DIAPH2: variants seen among roughly 807,000 people sequenced by gnomAD.
DIAPH2 encodes protein diaphanous homolog 2.
DIAPH2 carries 35 observed loss-of-function variants against 92.7 expected under a neutral mutation model. The ratio of observed to expected loss-of-function variants is 0.38; its 90% CI spans 0.29 to 0.50. The LOEUF is 0.50. Ranked by LOEUF, DIAPH2 falls within the 20% of genes least tolerant of loss-of-function variation. DIAPH2 has a pLI of 0.94. For synonymous variants in DIAPH2, 301 were observed against 280.4 expected, an observed-to-expected ratio of 1.07 and a Z score of -0.73; for missense variants, 701 against 819.5, an observed-to-expected ratio of 0.86 and a Z score of 1.77.
chrX:97,582,534 C>T (rs1460169579), intron 26 of DIAPH2, among the ~76,000 whole-genome samples: 1 of 110,095 alleles, frequency 9.1e-6, no homozygotes, highest in Non-Finnish European at 1.9e-5. Flanking sequence ...GGGTTTCTGC[C>T]GAGAGATCCG....
intron 25 of DIAPH2, among the ~76,000 whole-genome samples, chrX:97,424,441 G>A (rs1226916512): frequency 1.8e-5 from 2 of 111,275 alleles, no homozygotes; most frequent in Non-Finnish European, 3.8e-5. Flanking sequence ...CAAGATATCT[G>A]TGGCATTAAA....
At chrX:96,875,770 T>TA (rs2065174357) in intron 4 of DIAPH2, among the ~76,000 whole-genome samples, 1 of 110,697 alleles carries the variant, frequency 9.0e-6, no homozygotes, top group African/African-American at 3.3e-5. Flanking sequence ...AAAAATAAAT[T>TA]AAAAAAAGAC....
At chrX:97,501,339 T>C (rs2070796652) in intron 26 of DIAPH2, among the ~76,000 whole-genome samples, 1 of 112,043 alleles carries the variant, frequency 8.9e-6, no homozygotes, top group African/African-American at 3.2e-5. Flanking sequence ...AAAAGCACTA[T>C]ATATATTTCA....
rs186565018 is a variant in DIAPH2, at chrX:96,943,451, A to G, written c.1444+1315A>G. 7.6e-4 allele frequency among the ~76,000 whole-genome samples: 85 copies of G among 111,288 alleles called. 1 individual carries two copies. The highest frequency in any genetic ancestry group is 2.6e-3 in the African/African-American group (80 of 30,782). ...CCAATTTACCCAGAAGTGATTGTGAATTTTAGCCTCATTGCATATTTTTCA... is the reference window on the plus strand; with the variant it reads ...CCAATTTACCCAGAAGTGATTGTGAGTTTTAGCCTCATTGCATATTTTTCA... On this transcript the variant is annotated intron_variant, in intron 13 of 26. Transcript: ENST00000324765.
intron 26 of DIAPH2, 152 bp from the exon 27 acceptor site, chrX:97,599,101 C>G (rs2071574709): frequency 3.4e-6 from 1 of 294,658 alleles, no homozygotes. Context: ...GCCGCATGAA[C>G]TCCTCAGATC....
intron 1 of DIAPH2, among the ~76,000 whole-genome samples, chrX:96,686,886 G>A (rs1279842585): frequency 2.7e-5 from 3 of 111,537 alleles, no homozygotes; most frequent in Non-Finnish European, 5.6e-5. Context: ...TGAGTATTAT[G>A]TTAATAATCT....
rs1423109695 is a variant in DIAPH2, at chrX:97,129,127, T to TTTTC, written c.2590-12534_2590-12531dup. Among the ~76,000 whole-genome samples, 94 of 80,409 alleles carry TTTTC rather than the reference T, an allele frequency of 1.2e-3. 1 individual carries two copies. Among genetic ancestry groups the TTTTC allele is most frequent in the African/African-American group, 4.7e-3 (90 of 19,037 alleles). The allele number at this position is 80,409 out of a possible 115,157, so 69.8% of individuals were successfully genotyped here. A position where few individuals can be genotyped will look rare whatever the true frequency, so the allele number is the denominator to read the frequency against. On this transcript the variant is annotated intron_variant, in intron 21 of 26. Transcript: ENST00000324765. ...TTTTCTTTTCTTTTCTTTTCTTTTC[T>TTTTC]TTTCTTTTCTTTTCTTTTCTTTCTT...
At chrX:97,137,270 C>CATACATATATATATAT (rs2067177305) in intron 21 of DIAPH2, among the ~76,000 whole-genome samples, 3 of 68,264 alleles carry the variant, frequency 4.4e-5, no homozygotes, top group African/African-American at 6.3e-5. Context: ...CGCAGTTATA[C>CATACATATATATATAT]ATATATATAT....
chrX:96,881,562 CTT>C lies in DIAPH2; in HGVS notation c.448-15_448-14del, dbSNP rs2065213468. ...TTTGAAACATTGTCTAAAATGGTCT[CTT>C]TGTTTATTTTATAGGGTGGGCTGAA... On this transcript the variant is annotated splice_polypyrimidine_tract_variant and intron_variant, in intron 4 of 26. Coordinates refer to ENST00000324765, the MANE Select transcript of DIAPH2 (RefSeq NM_006729.5). 3 of 1,183,295 alleles carry C rather than the reference CTT, an allele frequency of 2.5e-6. No homozygotes were observed. The highest frequency in any genetic ancestry group is 1.8e-5 in the African/African-American group (1 of 56,296).
chrX:97,566,886 T>G (rs772434223), intron 26 of DIAPH2, among the ~76,000 whole-genome samples: 1 of 111,340 alleles, frequency 9.0e-6, no homozygotes, highest in Non-Finnish European at 1.9e-5. Flanking sequence ...CACAAAAGAG[T>G]ATATAAACGC....
intron 22 of DIAPH2, among the ~76,000 whole-genome samples, chrX:97,203,622 G>A (rs980494497): frequency 9.0e-6 from 1 of 111,720 alleles, no homozygotes; most frequent in Non-Finnish European, 1.9e-5. Flanking sequence ...ACTAAACCAG[G>A]AAGAAGTCGA....
chrX:96,817,310 C>T (rs775652727), intron 4 of DIAPH2, among the ~76,000 whole-genome samples: 14 of 110,956 alleles, frequency 1.3e-4, no homozygotes, highest in Non-Finnish European at 1.9e-4. Flanking sequence ...ATGCACTGCA[C>T]GCCCGTATCA....
intron 26 of DIAPH2, among the ~76,000 whole-genome samples, chrX:97,587,232 A>G (rs1350558157): frequency 9.1e-6 from 1 of 110,007 alleles, no homozygotes; most frequent in Non-Finnish European, 1.9e-5. Context: ...TACTCAGGAA[A>G]CCGAATTGAA....
At chrX:97,153,063 T>A (rs1316735738) in intron 22 of DIAPH2, among the ~76,000 whole-genome samples, 2 of 111,918 alleles carry the variant, frequency 1.8e-5, no homozygotes, top group African/African-American at 6.5e-5. Flanking sequence ...AACCTCTCAG[T>A]GCCTATTTCC....
At chrX:97,199,227 A>G (rs113312006) in intron 22 of DIAPH2, among the ~76,000 whole-genome samples, 71 of 106,789 alleles carry the variant, frequency 6.6e-4, no homozygotes, top group African/African-American at 1.9e-3. Context: ...ACATATGTAT[A>G]TGTGTGTGTG....
chrX:97,507,771 T>C (rs1043921615), intron 26 of DIAPH2, among the ~76,000 whole-genome samples: 2 of 111,555 alleles, frequency 1.8e-5, no homozygotes, highest in African/African-American at 6.5e-5. Flanking sequence ...TATGGCAGCT[T>C]TTCATAAAGT....
At chrX:96,885,472 AAAGT>A (rs2065255255) in intron 5 of DIAPH2, 1 of 126,867 alleles carries the variant, frequency 7.9e-6, no homozygotes, top group Non-Finnish European at 1.7e-5. Flanking sequence ...AAAAAAAAAA[AAAGT>A]CTTGCTTGTT....
rs1036421423 is a variant in DIAPH2 at position 97,518,657 on chromosome X, A to G, written c.3242-80596A>G. ...AGCTTCTCAAGCCATGAACTTCTCT[A>G]TGGATTAGATTCTGTGTATTAGAGC... On this transcript the variant is annotated intron_variant, in intron 26 of 26. Coordinates refer to ENST00000324765, the MANE Select transcript of DIAPH2 (RefSeq NM_006729.5). Among the ~76,000 whole-genome samples, 5 of 110,223 alleles carry G rather than the reference A, an allele frequency of 4.5e-5. No individual in the cohort carries two copies. The Admixed American group carries it at 4.9e-4, about 11-fold the overall frequency.
chrX:96,936,619 T>C (rs900806650), intron 10 of DIAPH2, among the ~76,000 whole-genome samples: 1 of 112,060 alleles, frequency 8.9e-6, no homozygotes, highest in Non-Finnish European at 1.9e-5. Flanking sequence ...TACAAAAACA[T>C]AACTTTTATG....
Sources: allele counts gnomAD v4.1 joint callset (sites outside exome capture counted in the v4.1 genomes callset), GRCh38; gene constraint gnomAD v4.1.1; transcripts MANE v1.5; gene names NCBI Gene and HGNC (gene_info 2026-07-23, HGNC 2026-07-21).